DZIP1: variants seen among roughly 807,000 people sequenced by gnomAD.
The protein encoded by DZIP1 is cilium assembly protein DZIP1.
DZIP1 carries 97 observed loss-of-function variants against 107.6 expected under a neutral mutation model. That is an observed-to-expected ratio of 0.90 (90% CI 0.77 to 1.07). The LOEUF (loss-of-function observed/expected upper bound fraction) is 1.07. Ranked by LOEUF, DZIP1 falls within the 50% of genes least tolerant of loss-of-function variation. The probability of loss-of-function intolerance (pLI) is 0.00; values close to 1 mark genes in which losing one functional copy is unlikely to be tolerated. For synonymous variants in DZIP1, 390 were observed against 386.4 expected, an observed-to-expected ratio of 1.01 and a Z score of -0.11; for missense variants, 1,035 against 1,063.6, an observed-to-expected ratio of 0.97 and a Z score of 0.37.
intron 5 of DZIP1, among the ~76,000 whole-genome samples, chr13:95,635,884 G>A (rs1877736865): frequency 6.6e-6 from 1 of 151,630 alleles, no homozygotes; most frequent in South Asian, 2.1e-4. Flanking sequence ...TGGAGAGGAT[G>A]CAAACACACC....
At chr13:95,620,627 G>A (rs1023721848) in intron 9 of DZIP1, among the ~76,000 whole-genome samples, 1 of 152,106 alleles carries the variant, frequency 6.6e-6, no homozygotes, top group South Asian at 2.1e-4. Flanking sequence ...ACTGTATTGG[G>A]ACAACAGCCA....
intron 10 of DZIP1, among the ~76,000 whole-genome samples, chr13:95,619,453 GA>G (rs1372075090): frequency 1.3e-5 from 2 of 152,192 alleles, no homozygotes; most frequent in Non-Finnish European, 2.9e-5. Context: ...AATGGTCTCA[GA>G]ACTGCTTGTT....
intron 10 of DZIP1, among the ~76,000 whole-genome samples, chr13:95,612,397 C>G (rs1487026452): frequency 6.6e-6 from 1 of 152,168 alleles, no homozygotes; most frequent in African/African-American, 2.4e-5. Flanking sequence ...AAATAGACAA[C>G]ACTGATAATG....
chr13:95,607,167 C>G (rs1320675084), intron 13 of DZIP1, among the ~76,000 whole-genome samples: 1 of 152,178 alleles, frequency 6.6e-6, no homozygotes, highest in Non-Finnish European at 1.5e-5. Flanking sequence ...CTGCCTCAGC[C>G]TCCTGAGTAA....
chr13:95,587,782 T>G, intron 19 of DZIP1, 53 bp from the exon 20 acceptor site: 5 of 1,545,124 alleles, frequency 3.2e-6, no homozygotes, highest in Non-Finnish European at 4.4e-6. Flanking sequence ...GCTTTAGGAT[T>G]TATAATATTA....
intron 9 of DZIP1, among the ~76,000 whole-genome samples, chr13:95,620,386 A>G (rs1033365285): frequency 1.3e-5 from 2 of 152,198 alleles, no homozygotes; most frequent in Non-Finnish European, 2.9e-5. Flanking sequence ...TAAATTACCC[A>G]GTCTTAGGTA....
intron 8 of DZIP1, among the ~76,000 whole-genome samples, chr13:95,623,978 G>A (rs1330068336): frequency 6.6e-6 from 1 of 150,968 alleles, no homozygotes; most frequent in African/African-American, 2.4e-5. Context: ...CTATTCTTAT[G>A]TCAGAGGCCA....
In DZIP1 at chr13:95,590,461, A is replaced by C. The variant is rs780128022; in HGVS notation, c.1681-20T>G. 1.3e-6 allele frequency: 2 copies of C among 1,585,336 alleles called. No individual in the cohort carries two copies. Among genetic ancestry groups the C allele is most frequent in the East Asian group, 2.3e-5 (1 of 44,184 alleles). Reference sequence around the variant, plus strand: ...TATATCCTGAAAGAATAAGATGTTAAGTTGGCCAGTTATCCTGGGAGGTTT... The same window carrying C: ...TATATCCTGAAAGAATAAGATGTTACGTTGGCCAGTTATCCTGGGAGGTTT... On this transcript the variant is annotated intron_variant, in intron 16 of 22. Transcript: ENST00000376829.
intron 16 of DZIP1, among the ~76,000 whole-genome samples, chr13:95,590,994 TA>T (rs2044296312): frequency 6.7e-6 from 1 of 150,238 alleles, no homozygotes; most frequent in South Asian, 2.1e-4. Flanking sequence ...CAAGGAACAA[TA>T]GGTCATCAGA....
At chr13:95,603,064 G>T (rs1173943696) in intron 14 of DZIP1, among the ~76,000 whole-genome samples, 1 of 152,042 alleles carries the variant, frequency 6.6e-6, no homozygotes, top group African/African-American at 2.4e-5. Flanking sequence ...TCACACCTGT[G>T]GTCCTAGCAC....
chr13:95,638,085 CTTTTT>C (rs57203833), intron 5 of DZIP1, among the ~76,000 whole-genome samples: 1 of 88,650 alleles, frequency 1.1e-5, no homozygotes. Flanking sequence ...TGAGTTCAAT[CTTTTT>C]TTTTTTTTTT....
At chr13:95,621,142 C>T (rs7324901) in intron 9 of DZIP1, among the ~76,000 whole-genome samples, 2 of 149,830 alleles carry the variant, frequency 1.3e-5, no homozygotes, top group Middle Eastern at 3.5e-3. Context: ...TACCTGCCCC[C>T]CTGGCTGAAT....
At chr13:95,583,050 ACAGG>A (rs1488352210) in intron 22 of DZIP1, among the ~76,000 whole-genome samples, 1 of 152,180 alleles carries the variant, frequency 6.6e-6, no homozygotes, top group Non-Finnish European at 1.5e-5. Flanking sequence ...CGTGAAGGAG[ACAGG>A]CAGCAACATC....
rs190277520 is a variant in DZIP1 at position 95,580,051 on chromosome 13, T to C, written c.*2183A>G. On this transcript the variant is annotated 3_prime_UTR_variant, in exon 23 of 23. Coordinates refer to ENST00000376829, the MANE Select transcript of DZIP1 (RefSeq NM_198968.4). ...CCAAATTTTATACAAAAAAATGAAA[T>C]GCAGCAGGGCGCGATGGCTCACGCC... 6.6e-6 allele frequency: 1 copy of C among 152,216 alleles called. No homozygotes were observed. Among genetic ancestry groups the C allele is most frequent in the African/African-American group, 2.4e-5 (1 of 41,542 alleles). The allele number at this position is 152,216 out of a possible 1,614,324, so 9.4% of individuals were successfully genotyped here. A position where few individuals can be genotyped will look rare whatever the true frequency, so the allele number is the denominator to read the frequency against.
chr13:95,633,916 C>T lies in DZIP1; in HGVS notation c.598-595G>A, dbSNP rs541783235. Among the ~76,000 whole-genome samples, 3 of 152,264 alleles carry T rather than the reference C, an allele frequency of 2.0e-5. No individual in the cohort carries two copies. In the East Asian group the frequency reaches 5.8e-4, roughly 29 times the overall value. On this transcript the variant is annotated intron_variant, in intron 5 of 22. Coordinates refer to ENST00000376829, the MANE Select transcript of DZIP1 (RefSeq NM_198968.4). ...CCTGGGCAACATGGCGAGAGCCCAT[C>T]TCTACAAAAAGTAAAAATATAAGTA...
At chr13:95,590,141 GT>G (rs1477868526) in intron 17 of DZIP1, 137 bp downstream of exon 17, 1 of 1,051,536 alleles carries the variant, frequency 9.5e-7, no homozygotes, top group African/African-American at 1.6e-5. Flanking sequence ...CAGTAAAAGA[GT>G]TGCCAGTGAA....
chr13:95,612,540 T>A (rs1325931970), intron 10 of DZIP1, among the ~76,000 whole-genome samples: 1 of 152,244 alleles, frequency 6.6e-6, no homozygotes, highest in East Asian at 1.9e-4. Flanking sequence ...GTCCTTCCGA[T>A]GCCCACATGG....
In DZIP1 at chr13:95,603,147, C is replaced by T. The variant is rs551722426; in HGVS notation, c.1477+2856G>A. On this transcript the variant is annotated intron_variant, in intron 14 of 22. Transcript: ENST00000376829. ...CCAGCCTGGGCAACATAATGAAATG[C>T]CGTCTATATAATAAATCAAAAAATT... Among the ~76,000 whole-genome samples, 6 of 151,574 alleles carry T rather than the reference C, an allele frequency of 4.0e-5. No homozygotes were observed. In the South Asian group the frequency reaches 8.4e-4, roughly 21 times the overall value.
At chr13:95,626,808 G>A (rs950380735) in intron 7 of DZIP1, among the ~76,000 whole-genome samples, 1 of 152,154 alleles carries the variant, frequency 6.6e-6, no homozygotes, top group African/African-American at 2.4e-5. Flanking sequence ...AGAAATAAAT[G>A]TAACCTAAAA....
Sources: allele counts gnomAD v4.1 joint callset (sites outside exome capture counted in the v4.1 genomes callset), GRCh38; gene constraint gnomAD v4.1.1; transcripts MANE v1.5; gene names NCBI Gene and HGNC (gene_info 2026-07-23, HGNC 2026-07-21).